Variants in SDCCAG8 observed in about 807,000 individuals in gnomAD.
The protein encoded by SDCCAG8 is SHH signaling and ciliogenesis regulator SDCCAG8.
A neutral mutation model predicts 101.8 loss-of-function variants in SDCCAG8; 74 were observed. The ratio of observed to expected loss-of-function variants is 0.73; its 90% CI spans 0.60 to 0.88. SDCCAG8 has a LOEUF of 0.88. SDCCAG8 is among the 40% of genes least tolerant of loss of function. The pLI is 0.00. For missense variants in SDCCAG8, 787 were observed against 822.6 expected (o/e 0.96, Z 0.53); for synonymous variants, 281 against 292.9 (o/e 0.96, Z 0.41).
chr1:243,491,904 CTTAATT>C (rs1172212069), intron 17 of SDCCAG8, among the ~76,000 whole-genome samples: 1 of 152,178 alleles, frequency 6.6e-6, no homozygotes, highest in African/African-American at 2.4e-5. Flanking sequence ...TTAAGCTTAA[CTTAATT>C]TTGCATGTCA....
intron 10 of SDCCAG8, among the ~76,000 whole-genome samples, chr1:243,332,757 G>A (rs2074712434): frequency 6.6e-6 from 1 of 151,370 alleles, no homozygotes; most frequent in Non-Finnish European, 1.5e-5. Flanking sequence ...GGTGATTATT[G>A]TGGTCCGGGT....
chr1:243,455,559 G>A (rs781122039), intron 16 of SDCCAG8, among the ~76,000 whole-genome samples: 2 of 152,152 alleles, frequency 1.3e-5, no homozygotes, highest in African/African-American at 4.8e-5. Context: ...GAGAGCCACC[G>A]CACCTAGCCT....
chr1:243,308,184 A>G lies in SDCCAG8; in HGVS notation c.929+7A>G. Reference sequence around the variant, plus strand: ...CCATCGAAAGACTGGTTAAGTAAGTATGCTTCTACGCGCACGGAGACTTTG... The same window carrying G: ...CCATCGAAAGACTGGTTAAGTAAGTGTGCTTCTACGCGCACGGAGACTTTG... On this transcript the variant is annotated splice_region_variant and intron_variant, in intron 8 of 17. Coordinates refer to ENST00000366541, the MANE Select transcript of SDCCAG8 (RefSeq NM_006642.5). 1 of 1,614,120 alleles carries G rather than the reference A, an allele frequency of 6.2e-7. No homozygotes were observed. Among genetic ancestry groups the G allele is most frequent in the South Asian group, 1.1e-5 (1 of 91,088 alleles).
chr1:243,490,554 C>T (rs1037651465), intron 17 of SDCCAG8, among the ~76,000 whole-genome samples: 5 of 152,256 alleles, frequency 3.3e-5, no homozygotes, highest in East Asian at 1.9e-4. Context: ...GCCCCCGCTT[C>T]GGACAAGTAA....
At chr1:243,300,427 T>G (rs1308722627) in intron 6 of SDCCAG8, among the ~76,000 whole-genome samples, 1 of 152,222 alleles carries the variant, frequency 6.6e-6, no homozygotes, top group Non-Finnish European at 1.5e-5. Flanking sequence ...ATTACTGGTT[T>G]CCCTTTCTTC....
At chr1:243,460,196 A>T (rs1334871267) in intron 16 of SDCCAG8, among the ~76,000 whole-genome samples, 1 of 152,248 alleles carries the variant, frequency 6.6e-6, no homozygotes, top group Non-Finnish European at 1.5e-5. Flanking sequence ...AGGTGTTAAT[A>T]ATGCTCATAC....
At chr1:243,281,558 G>T (rs1451725281) in intron 4 of SDCCAG8, among the ~76,000 whole-genome samples, 1 of 150,806 alleles carries the variant, frequency 6.6e-6, no homozygotes. Context: ...GTTATGATTG[G>T]ATCAATGTAT....
intron 6 of SDCCAG8, among the ~76,000 whole-genome samples, chr1:243,296,945 T>G (rs2070989868): frequency 6.6e-6 from 1 of 152,088 alleles, no homozygotes. Flanking sequence ...CCTCCTCCTT[T>G]ATATTTTCTA....
chr1:243,355,044 G>T (rs76556999), intron 12 of SDCCAG8, among the ~76,000 whole-genome samples: 1 of 152,296 alleles, frequency 6.6e-6, no homozygotes, highest in South Asian at 2.1e-4. Context: ...ACTCTAGGCT[G>T]CTCCTGAGTG....
At chr1:243,345,841 T>C (rs1220821577) in intron 12 of SDCCAG8, among the ~76,000 whole-genome samples, 1 of 152,202 alleles carries the variant, frequency 6.6e-6, no homozygotes, top group Admixed American at 6.5e-5. Flanking sequence ...TCCGTGATGG[T>C]ATGGAGGCTA....
Position 243,415,936 on chromosome 1 carries a change from G to A in SDCCAG8, c.1744+107G>A, listed in dbSNP as rs549989360. 1.5e-5 allele frequency: 20 copies of A among 1,341,386 alleles called. No individual in the cohort carries two copies. In the African/African-American group the frequency reaches 1.8e-4, roughly 12 times the overall value. 83.1% of individuals were successfully genotyped at this position (1,341,386 alleles called of 1,614,324 possible). On this transcript the variant is annotated intron_variant, in intron 14 of 17. Transcript: ENST00000366541. ...ACCTGTAACCTTTGGCTGGCCGAAG[G>A]GAGCAGATGCTAACTACACCGGAGA...
chr1:243,382,742 AG>A (rs2078035605), intron 13 of SDCCAG8, among the ~76,000 whole-genome samples: 1 of 152,218 alleles, frequency 6.6e-6, no homozygotes, highest in Middle Eastern at 3.2e-3. Context: ...CAGGGACCCC[AG>A]TTAGAATATA....
At chr1:243,361,911 G>C (rs543991991) in intron 12 of SDCCAG8, among the ~76,000 whole-genome samples, 1 of 152,240 alleles carries the variant, frequency 6.6e-6, no homozygotes, top group Non-Finnish European at 1.5e-5. Context: ...TGAGGACAGA[G>C]ACTTTTACTT....
intron 16 of SDCCAG8, chr1:243,476,041 G>C (rs1662347970): frequency 2.0e-6 from 2 of 985,410 alleles, no homozygotes; most frequent in Non-Finnish European, 2.4e-6. Context: ...CTTCTAGCTG[G>C]AAGAGTTATG....
intron 13 of SDCCAG8, among the ~76,000 whole-genome samples, chr1:243,385,814 A>G (rs2078248401): frequency 6.6e-6 from 1 of 152,038 alleles, no homozygotes; most frequent in South Asian, 2.1e-4. Context: ...TACTAAAAAT[A>G]CAAAATTAGC....
At chr1:243,283,678 G>A (rs567666138) in intron 4 of SDCCAG8, among the ~76,000 whole-genome samples, 13 of 151,866 alleles carry the variant, frequency 8.6e-5, no homozygotes, top group South Asian at 2.1e-4. Context: ...ATATTACCCC[G>A]CTGTTCTTGC....
At chr1:243,358,484 AAACTGG>A (rs1195193651) in intron 12 of SDCCAG8, among the ~76,000 whole-genome samples, 1 of 152,198 alleles carries the variant, frequency 6.6e-6, no homozygotes, top group Non-Finnish European at 1.5e-5. Context: ...GGATGTAGAG[AAACTGG>A]AACTCCCCCA....
intron 16 of SDCCAG8, among the ~76,000 whole-genome samples, chr1:243,457,696 CTTTGA>C (rs755413439): frequency 7.2e-5 from 11 of 152,264 alleles, no homozygotes; most frequent in Non-Finnish European, 1.0e-4. Flanking sequence ...GTCCTTAACA[CTTTGA>C]TTTAAGTCGC....
Position 243,330,429 on chromosome 1 carries a change from C to A in SDCCAG8, c.1069-111C>A, listed in dbSNP as rs2074503994. On this transcript the variant is annotated intron_variant, in intron 9 of 17. Transcript: ENST00000366541. ...AACAATAAAAAATTATTCTAATGGG[C>A]TTTATAGTGAGTTTTTGCTATTTTA... The A allele has an allele frequency of 6.7e-6, 7 of 1,042,086 alleles. No individual in the cohort carries two copies. In the South Asian group the frequency reaches 9.8e-5, roughly 15 times the overall value. The allele number at this position is 1,042,086 out of a possible 1,614,324, so 64.6% of individuals were successfully genotyped here. A position where few individuals can be genotyped will look rare whatever the true frequency, so the allele number is the denominator to read the frequency against.
Sources: allele counts gnomAD v4.1 joint callset (sites outside exome capture counted in the v4.1 genomes callset), GRCh38; gene constraint gnomAD v4.1.1; transcripts MANE v1.5; gene names NCBI Gene and HGNC (gene_info 2026-07-23, HGNC 2026-07-21).